The following CDC42 variants were observed in gnomAD, a reference collection of about 807,000 sequenced individuals.
CDC42 encodes the protein cell division cycle 42.
CDC42 carries 1 observed loss-of-function variant against 20.8 expected under a neutral mutation model. The ratio of observed to expected loss-of-function variants is 0.05; its 90% CI spans 0.02 to 0.23. The LOEUF is 0.23. Among genes scored for constraint, CDC42 ranks in the 10% least tolerant of loss-of-function variants. CDC42 has a pLI of 1.00. For synonymous variants in CDC42, 72 were observed against 84.8 expected, an observed-to-expected ratio of 0.85 and a Z score of 0.83; for missense variants, 49 against 227.9, an observed-to-expected ratio of 0.21 and a Z score of 5.05.
At chr1:22,071,046 C>CTTTTTTTTTTTT (rs10684040) in intron 1 of CDC42, among the ~76,000 whole-genome samples, 1 of 125,312 alleles carries the variant, frequency 8.0e-6, no homozygotes, top group Admixed American at 9.5e-5. Context: ...TTTTTTCTTT[C>CTTTTTTTTTTTT]TTTTTTTTTT....
rs1231386810 is a variant in CDC42 at position 22,100,736 on chromosome 1, C to T, written c.*9219C>T. The T allele has an allele frequency of 6.6e-6, 1 of 152,176 alleles. No individual in the cohort carries two copies. Among genetic ancestry groups the T allele is most frequent in the Admixed American group, 6.5e-5 (1 of 15,276 alleles). 9.4% of individuals were successfully genotyped at this position (152,176 alleles called of 1,614,324 possible). On this transcript the variant is annotated 3_prime_UTR_variant, in exon 6 of 6. Coordinates refer to ENST00000656825, the MANE Select transcript of CDC42 (RefSeq NM_001791.4). ...CTGTATCAGTGAGGGGCTTCCTCCT[C>T]ATACTCATTGCCAGGAGTAGAGTAA...
At chr1:22,089,222 T>A (rs1000461804) in intron 5 of CDC42, among the ~76,000 whole-genome samples, 2 of 152,204 alleles carry the variant, frequency 1.3e-5, no homozygotes, top group Non-Finnish European at 2.9e-5. Context: ...ATGTTGGAGT[T>A]TCTGGCTGAG....
intron 3 of CDC42, among the ~76,000 whole-genome samples, chr1:22,084,226 T>G (rs1383349204): frequency 1.3e-5 from 2 of 151,794 alleles, no homozygotes; most frequent in Admixed American, 1.3e-4. Context: ...TTTAATTTTT[T>G]TGAGGAACCT....
intron 3 of CDC42, among the ~76,000 whole-genome samples, chr1:22,086,148 A>G (rs188161449): frequency 6.6e-6 from 1 of 152,292 alleles, no homozygotes; most frequent in African/African-American, 2.4e-5. Context: ...CCATTTCTGT[A>G]GCAAGAGTTT....
intron 3 of CDC42, among the ~76,000 whole-genome samples, chr1:22,085,617 A>G (rs1645654029): frequency 1.3e-5 from 2 of 152,068 alleles, no homozygotes; most frequent in African/African-American, 4.8e-5. Context: ...TTTTTTTGTT[A>G]TCCAAGTCTT....
At chr1:22,077,413 T>C (rs959627598) in intron 1 of CDC42, among the ~76,000 whole-genome samples, 1 of 152,144 alleles carries the variant, frequency 6.6e-6, no homozygotes, top group Non-Finnish European at 1.5e-5. Flanking sequence ...AATGGTGCTA[T>C]AGGAGCATGG....
intron 1 of CDC42, among the ~76,000 whole-genome samples, chr1:22,070,498 C>G (rs1031246074): frequency 9.2e-6 from 1 of 109,032 alleles, no homozygotes; most frequent in Admixed American, 1.5e-4. Flanking sequence ...GAGTCTCGCT[C>G]TGTTGCTCAG....
intron 5 of CDC42, chr1:22,090,874 C>A (rs1308904335): frequency 1.1e-5 from 10 of 871,406 alleles, no homozygotes; most frequent in Non-Finnish European, 1.4e-5. Context: ...CAGGTACCCA[C>A]ATTTTTGCTC....
At chr1:22,059,367 T>C (rs771428605) in intron 1 of CDC42, 1 of 152,184 alleles carries the variant, frequency 6.6e-6, no homozygotes, top group Non-Finnish European at 1.5e-5. Context: ...TCTAAGCATA[T>C]GATTAGGATA....
chr1:22,090,612 C>T, intron 5 of CDC42: 1 of 985,536 alleles, frequency 1.0e-6, no homozygotes, highest in South Asian at 4.7e-5. Flanking sequence ...GTATCTGCTA[C>T]TGCTTTATGA....
At position 22,100,025 on chromosome 1, in the gene CDC42, TC is replaced by T. The variant is rs368266578; in HGVS notation, c.*8509del. On this transcript the variant is annotated 3_prime_UTR_variant, in exon 6 of 6. Transcript: ENST00000656825. The stretch of plus-strand genomic sequence containing the variant: ...GCCTTTTTTTCTTTCTTCTTCTTCT[TC>T]TTCTTTTTTTTTTTTTTTGTATAAT... Among the ~76,000 whole-genome samples the T allele has an allele frequency of 2.8e-3, 94 of 33,352 alleles. No homozygotes were observed. Among genetic ancestry groups the T allele is most frequent in the Admixed American group, 0.016 (39 of 2,376 alleles). The allele number at this position is 33,352 out of a possible 152,430, so 21.9% of individuals were successfully genotyped here. A position where few individuals can be genotyped will look rare whatever the true frequency, so the allele number is the denominator to read the frequency against.
chr1:22,073,012 G>A (rs1006697311), intron 1 of CDC42, among the ~76,000 whole-genome samples: 2 of 152,076 alleles, frequency 1.3e-5, no homozygotes, highest in African/African-American at 4.8e-5. Context: ...TGCCTAGAAT[G>A]AACCATGGGG....
In CDC42 at chr1:22,061,528, C is replaced by CTTTTTTTTTTTTT. The variant is rs1404317396; in HGVS notation, c.-51+8789_-51+8790insTTTTTTTTTTTTT. ...GGTCAATCAGTTTAACTTCATGTTT[C>CTTTTTTTTTTTTT]TTTCTTTTTTTTTTTTTTTTTTTTT... On this transcript the variant is annotated intron_variant, in intron 1 of 5. Coordinates refer to ENST00000656825, the MANE Select transcript of CDC42 (RefSeq NM_001791.4). Among the ~76,000 whole-genome samples, 15 of 86,304 alleles carry CTTTTTTTTTTTTT rather than the reference C, an allele frequency of 1.7e-4. 6 individuals are homozygous for CTTTTTTTTTTTTT. The highest frequency in any genetic ancestry group is 1.5e-4 in the Non-Finnish European group (7 of 45,674). The allele number at this position is 86,304 out of a possible 152,430, so 56.6% of individuals were successfully genotyped here.
chr1:22,062,491 T>C (rs1404731348), intron 1 of CDC42, among the ~76,000 whole-genome samples: 1 of 152,170 alleles, frequency 6.6e-6, no homozygotes, highest in Non-Finnish European at 1.5e-5. Context: ...GCTGGCATGA[T>C]TTCATTCTTG....
rs1296678169 is a variant in CDC42 at position 22,094,107 on chromosome 1, A to G, written c.*2590A>G. On this transcript the variant is annotated 3_prime_UTR_variant, in exon 6 of 6. Coordinates refer to ENST00000656825, the MANE Select transcript of CDC42 (RefSeq NM_001791.4). ...TAAATATTGTTTTCTATTTGACGTA[A>G]CAAACTTGCTTATAGTCGTGGCTTA... Among the ~76,000 whole-genome samples, 1 of 152,076 alleles carries G rather than the reference A, an allele frequency of 6.6e-6. No individual in the cohort carries two copies. The highest frequency in any genetic ancestry group is 1.9e-4 in the East Asian group (1 of 5,192).
At chr1:22,081,858 T>G (rs542813349) in intron 3 of CDC42, 64 bp downstream of exon 3, 117 of 1,066,228 alleles carry the variant, frequency 1.1e-4, no homozygotes, top group Non-Finnish European at 1.6e-4. Context: ...CTGTCTCTTG[T>G]GGACATTTTG....
rs1645738440 is a variant in CDC42 at position 22,093,869 on chromosome 1, T to C, written c.*2352T>C. Among the ~76,000 whole-genome samples, 1 of 152,198 alleles carries C rather than the reference T, an allele frequency of 6.6e-6. No homozygotes were observed. The highest frequency in any genetic ancestry group is 1.5e-5 in the Non-Finnish European group (1 of 68,028). On this transcript the variant is annotated 3_prime_UTR_variant, in exon 6 of 6. Transcript: ENST00000656825. ...AAAGCAATGCTTGACATGATATGGCTCTAGAAGTAGTCATTGGATGGGTAT... is the reference window on the plus strand; with the variant it reads ...AAAGCAATGCTTGACATGATATGGCCCTAGAAGTAGTCATTGGATGGGTAT...
intron 1 of CDC42, among the ~76,000 whole-genome samples, chr1:22,075,149 G>C (rs1029800269): frequency 6.6e-6 from 1 of 152,168 alleles, no homozygotes; most frequent in East Asian, 1.9e-4. Context: ...GAGTAACTCC[G>C]TTTTGATTTT....
At chr1:22,054,647 TGG>T (rs1645275413) in intron 1 of CDC42, among the ~76,000 whole-genome samples, 1 of 151,948 alleles carries the variant, frequency 6.6e-6, no homozygotes, top group Non-Finnish European at 1.5e-5. Context: ...GAGAACAGAT[TGG>T]TAAACACTTA....
Sources: allele counts gnomAD v4.1 joint callset (sites outside exome capture counted in the v4.1 genomes callset), GRCh38; gene constraint gnomAD v4.1.1; transcripts MANE v1.5; gene names NCBI Gene and HGNC (gene_info 2026-07-23, HGNC 2026-07-21).